The following ZMYM1 variants were observed in gnomAD, a reference collection of about 807,000 sequenced individuals.
The protein encoded by ZMYM1 is zinc finger MYM-type containing 1.
In ZMYM1, 39 loss-of-function variants were observed where a neutral mutation model predicts 60.0. The ratio of observed to expected loss-of-function variants is 0.65; its 90% CI spans 0.50 to 0.85. The LOEUF (loss-of-function observed/expected upper bound fraction) is 0.85, where lower values mean the gene tolerates loss of function less well. ZMYM1 is among the 40% of genes least tolerant of loss of function. The pLI is 0.00. For missense variants in ZMYM1, 1,171 were observed against 1,309.5 expected (o/e 0.89, Z 1.63); for synonymous variants, 413 against 454.0 (o/e 0.91, Z 1.15).
intron 1 of ZMYM1, among the ~76,000 whole-genome samples, chr1:35,062,287 T>A (rs1641890638): frequency 6.6e-6 from 1 of 152,232 alleles, no homozygotes; most frequent in East Asian, 1.9e-4. Flanking sequence ...CTTCCTCTTT[T>A]CTTTCTACTT....
intron 1 of ZMYM1, among the ~76,000 whole-genome samples, chr1:35,092,562 T>TC (rs1643085032): frequency 6.6e-6 from 1 of 151,022 alleles, no homozygotes; most frequent in African/African-American, 2.4e-5. Flanking sequence ...TCTTTTCTTT[T>TC]CTTTTCCTTT....
chr1:35,098,349 T>C (rs1364056690), intron 4 of ZMYM1, among the ~76,000 whole-genome samples: 1 of 152,192 alleles, frequency 6.6e-6, no homozygotes, highest in Non-Finnish European at 1.5e-5. Context: ...ATCAGTGTCA[T>C]TTTGGCTTTG....
intron 1 of ZMYM1, among the ~76,000 whole-genome samples, chr1:35,073,556 A>G (rs1642111550): frequency 1.3e-5 from 2 of 150,796 alleles, no homozygotes; most frequent in African/African-American, 2.4e-5. Context: ...GAGTGAAACA[A>G]GAAAGAAAGG....
intron 4 of ZMYM1, among the ~76,000 whole-genome samples, chr1:35,102,385 T>C (rs969870475): frequency 1.3e-5 from 2 of 152,226 alleles, no homozygotes; most frequent in African/African-American, 4.8e-5. Context: ...TAATATGCTA[T>C]TGTAGTTTGG....
At chr1:35,105,107 GTATT>G (rs1441454926) in intron 6 of ZMYM1, among the ~76,000 whole-genome samples, 1 of 130,382 alleles carries the variant, frequency 7.7e-6, no homozygotes, top group African/African-American at 3.0e-5. Context: ...TTATTTTTAT[GTATT>G]TATTTTATTT....
rs1252113199 is a variant in ZMYM1 at position 35,111,775 on chromosome 1, G to A, written c.965G>A (p.Ser322Asn). Residue 322 changes from serine to asparagine, a missense_variant, in exon 8 of 10, where the codon AGT becomes AAT. By Grantham distance (46) the Ser-to-Asn change is conservative. Coordinates refer to ENST00000359858, the MANE Select transcript of ZMYM1 (RefSeq NM_024772.5). ...GAAATCTTTTTATTGTTGTCAGTAA[G>A]TGTTGTTTCTGTGGTGCATGATACT... ...SKAKMESSSV[S>N]VVSVVHDTST... 6.4e-7 allele frequency: 1 copy of A among 1,570,296 alleles called. No homozygotes were observed. The highest frequency in any genetic ancestry group is 2.3e-5 in the East Asian group (1 of 43,926).
At chr1:35,101,319 G>C (rs1047880850) in intron 4 of ZMYM1, among the ~76,000 whole-genome samples, 22 of 151,086 alleles carry the variant, frequency 1.5e-4, no homozygotes, top group Admixed American at 1.3e-3. Context: ...GTGTTGGCCA[G>C]GCTGGTCTCC....
chr1:35,105,611 T>A (rs572859893), intron 6 of ZMYM1, among the ~76,000 whole-genome samples: 1 of 152,262 alleles, frequency 6.6e-6, no homozygotes, highest in South Asian at 2.1e-4. Flanking sequence ...TTATTTTTTT[T>A]ATTTATTTTG....
At chr1:35,089,407 G>C (rs1212569632) in intron 1 of ZMYM1, among the ~76,000 whole-genome samples, 1 of 152,144 alleles carries the variant, frequency 6.6e-6, no homozygotes, top group African/African-American at 2.4e-5. Flanking sequence ...CTGGACAGAG[G>C]CTGTATGAGC....
At chr1:35,075,029 T>G (rs1642143951), upstream of ZMYM1, among the ~76,000 whole-genome samples, 1 of 151,800 alleles carries the variant, frequency 6.6e-6, no homozygotes, top group African/African-American at 2.4e-5. Context: ...CCCAGCTAAT[T>G]TTTTGTATTT....
chr1:35,107,836 G>A (rs189763642), intron 6 of ZMYM1, among the ~76,000 whole-genome samples: 6 of 152,182 alleles, frequency 3.9e-5, no homozygotes, highest in Admixed American at 2.0e-4. Context: ...TGGGCCAGGT[G>A]CGGTGGCTCA....
At chr1:35,068,147 A>G (rs565361874) in intron 1 of ZMYM1, among the ~76,000 whole-genome samples, 13 of 152,012 alleles carry the variant, frequency 8.6e-5, no homozygotes, top group African/African-American at 3.1e-4. Context: ...GGCCAGGTGC[A>G]GTGGCTCATG....
At chr1:35,072,015 TC>T (rs1210931379) in intron 1 of ZMYM1, among the ~76,000 whole-genome samples, 3 of 152,110 alleles carry the variant, frequency 2.0e-5, no homozygotes, top group Non-Finnish European at 4.4e-5. Flanking sequence ...ATGCCTGTAA[TC>T]CCAGCTACTT....
chr1:35,105,835 G>A (rs992605023), intron 6 of ZMYM1, among the ~76,000 whole-genome samples: 17 of 152,056 alleles, frequency 1.1e-4, no homozygotes, highest in African/African-American at 4.1e-4. Context: ...TACAACTCCT[G>A]AACTCAGCTG....
chr1:35,118,107 G>C (rs746430633), downstream of ZMYM1, among the ~76,000 whole-genome samples: 2 of 151,936 alleles, frequency 1.3e-5, no homozygotes, highest in Non-Finnish European at 2.9e-5. Flanking sequence ...CAGGTGTGGT[G>C]GTGGGTGCCT....
At chr1:35,072,282 C>T (rs72905041) in intron 1 of ZMYM1, among the ~76,000 whole-genome samples, 7,300 of 152,198 alleles carry the variant, frequency 0.048, 509 homozygotes, top group African/African-American at 0.16. Flanking sequence ...ATTTCTTCAT[C>T]ATATAATCTT....
At chr1:35,088,343 G>A (rs1276864069) in intron 1 of ZMYM1, among the ~76,000 whole-genome samples, 3 of 150,996 alleles carry the variant, frequency 2.0e-5, no homozygotes, top group South Asian at 2.1e-4. Context: ...GCTTGAACCC[G>A]GGAGGTGGAG....
At chr1:35,073,940 T>G (rs572560915) in intron 1 of ZMYM1, among the ~76,000 whole-genome samples, 1 of 152,228 alleles carries the variant, frequency 6.6e-6, no homozygotes, top group South Asian at 2.1e-4. Context: ...TGCGCTATCA[T>G]GCCCAGCTAA....
rs759665120 is a variant in ZMYM1 at position 35,113,207 on chromosome 1, T to C, written c.1377T>C (p.Ser459=). The part of the protein sequence containing the change: ...VKGKSRSIKK[S]CCADFECLEN... ...GTAAATCACGAAGTATTAAAAAATCTTGTTGTGCAGATTTTGAGTGTTTGG... is the reference window on the plus strand; with the variant it reads ...GTAAATCACGAAGTATTAAAAAATCCTGTTGTGCAGATTTTGAGTGTTTGG... The change falls in exon 10 of 10, where the codon TCT becomes TCC. Residue 459 remains serine (S), a synonymous_variant. Transcript: ENST00000359858. 4.3e-6 allele frequency: 7 copies of C among 1,613,480 alleles called. No individual in the cohort carries two copies. The South Asian group carries it at 7.7e-5, about 18-fold the overall frequency.
Sources: gnomAD v4.1 joint callset for allele counts (sites outside exome capture counted in the v4.1 genomes callset) on GRCh38, gnomAD v4.1.1 for gene constraint, MANE v1.5 for transcripts, NCBI Gene and HGNC (gene_info 2026-07-23, HGNC 2026-07-21) for gene names.